The following VPS16 variants were observed in gnomAD, a reference collection of about 807,000 sequenced individuals.
VPS16 encodes the protein vacuolar protein sorting-associated protein 16 homolog.
A neutral mutation model predicts 116.0 loss-of-function variants in VPS16; 82 were observed. That is an observed-to-expected ratio of 0.71 (90% CI 0.59 to 0.85). The LOEUF (loss-of-function observed/expected upper bound fraction) is 0.85, where lower values mean the gene tolerates loss of function less well. Ranked by LOEUF, VPS16 falls within the 40% of genes least tolerant of loss-of-function variation. The pLI is 0.00. For missense variants in VPS16, 928 were observed against 1,090.6 expected (o/e 0.85, Z 2.10); for synonymous variants, 406 against 420.7 (o/e 0.96, Z 0.43).
chr20:2,857,900 AG>A lies in VPS16; in HGVS notation c.54-1816del, dbSNP rs200672828. Among the ~76,000 whole-genome samples, 1,329 of 151,922 alleles carry A rather than the reference AG, an allele frequency of 8.7e-3. 21 individuals carry two copies. Among genetic ancestry groups the A allele is most frequent in the African/African-American group, 0.031 (1,276 of 41,402 alleles). On this transcript the variant is annotated intron_variant, in intron 1 of 23. Transcript: ENST00000380445. ...TAATTTTTGTATTTTTAGTAGAGAC[AG>A]GGTTTCACCGTGTTGGCTAGACTGG...
Position 2,842,741 on chromosome 20 carries a change from T to TACATATGGATGTATCTATCTATAGATAG in VPS16, c.53+1920_53+1921insGGATGTATCTATCTATAGATAGACATAT, listed in dbSNP as rs2089003468. On this transcript the variant is annotated intron_variant, in intron 1 of 23. Transcript: ENST00000380445. Reference sequence around the variant, plus strand: ...ACATATGGATGTATCTATCTATAGATACATATAGATGTATCTATCTATAGA... The same window carrying TACATATGGATGTATCTATCTATAGATAG: ...ACATATGGATGTATCTATCTATAGATACATATGGATGTATCTATCTATAGATAGACATATAGATGTATCTATCTATAGA... Among the ~76,000 whole-genome samples, 10 of 22,382 alleles carry TACATATGGATGTATCTATCTATAGATAG rather than the reference T, an allele frequency of 4.5e-4. 2 individuals are homozygous for TACATATGGATGTATCTATCTATAGATAG. Among genetic ancestry groups the TACATATGGATGTATCTATCTATAGATAG allele is most frequent in the African/African-American group, 6.3e-4 (2 of 3,194 alleles). 14.7% of individuals were successfully genotyped at this position (22,382 alleles called of 152,430 possible).
At chr20:2,854,143 GCA>G in intron 1 of VPS16, among the ~76,000 whole-genome samples, 1 of 152,010 alleles carries the variant, frequency 6.6e-6, no homozygotes, top group African/African-American at 2.4e-5. Context: ...GCATGGTCGT[GCA>G]CACCTGTAAG....
chr20:2,864,670 G>C lies in VPS16; in HGVS notation c.1926+16G>C. On this transcript the variant is annotated intron_variant, in intron 19 of 23. Transcript: ENST00000380445. The surrounding 1 kb of genome is among the most constrained non-coding windows in gnomAD (Gnocchi z 5.2). ...TGCAGAAGAGGTCTGAGATCCATGG[G>C]GCGTGTGGGGCGTGTGGGGCATGTG... The C allele has an allele frequency of 6.3e-7, 1 of 1,597,622 alleles. No homozygotes were observed. The highest frequency in any genetic ancestry group is 8.6e-7 in the Non-Finnish European group (1 of 1,167,986).
chr20:2,864,717 T>G lies in VPS16; in HGVS notation c.1926+63T>G. On this transcript the variant is annotated intron_variant, in intron 19 of 23. Transcript: ENST00000380445. This position sits in a 1 kb window ranked among gnomAD's most constrained non-coding sequence, Gnocchi z 5.2. ...TGTGGGCTGGGGCTGTTGGTCCGGT[T>G]CCTTCAGGAATCTAGGCCTTCGTGT... 1 of 1,552,986 alleles carries G rather than the reference T, an allele frequency of 6.4e-7. No individual in the cohort carries two copies.
In VPS16 at chr20:2,864,092, G is replaced by T; in HGVS notation, c.1611+9G>T. 1 of 1,613,714 alleles carries T rather than the reference G, an allele frequency of 6.2e-7. No homozygotes were observed. The highest frequency in any genetic ancestry group is 1.1e-5 in the South Asian group (1 of 91,082). On this transcript the variant is annotated intron_variant, in intron 16 of 23. Coordinates refer to ENST00000380445, the MANE Select transcript of VPS16 (RefSeq NM_022575.4). The surrounding 1 kb of genome is among the most constrained non-coding windows in gnomAD (Gnocchi z 5.2). The stretch of plus-strand genomic sequence containing the variant: ...CGGAGCTGGCCATCAAGGTGTGGGT[G>T]CCCAGCCCTCCACAGACACTCTGAT...
chr20:2,857,312 C>T (rs1433130313), intron 1 of VPS16, among the ~76,000 whole-genome samples: 1 of 152,162 alleles, frequency 6.6e-6, no homozygotes, highest in Admixed American at 6.6e-5. Flanking sequence ...TGTGCATTAC[C>T]CTTCCACTGG....
intron 1 of VPS16, among the ~76,000 whole-genome samples, chr20:2,858,163 T>G (rs1027737310): frequency 5.3e-5 from 8 of 151,998 alleles, no homozygotes; most frequent in Non-Finnish European, 8.8e-5. Context: ...GATGCTGTCT[T>G]GGCTCACTGC....
rs372205172 is a variant in VPS16 at position 2,860,638 on chromosome 20, G to T, written c.514+45G>T. On this transcript the variant is annotated intron_variant, in intron 5 of 23. Transcript: ENST00000380445. This position sits in a 1 kb window ranked among gnomAD's most constrained non-coding sequence, Gnocchi z 6.1. ...AGATAGCCAAGCAGTACCCACAGATGTGCCTCTAGCCTGTGAGACCCATAA... is the reference window on the plus strand; with the variant it reads ...AGATAGCCAAGCAGTACCCACAGATTTGCCTCTAGCCTGTGAGACCCATAA... 2 of 1,611,654 alleles carry T rather than the reference G, an allele frequency of 1.2e-6. No individual in the cohort carries two copies. The highest frequency in any genetic ancestry group is 1.7e-6 in the Non-Finnish European group (2 of 1,179,018).
At chr20:2,842,592 G>A (rs1202782538) in intron 1 of VPS16, among the ~76,000 whole-genome samples, 1 of 147,814 alleles carries the variant, frequency 6.8e-6, no homozygotes, top group Non-Finnish European at 1.5e-5. Flanking sequence ...AGGCAACAGA[G>A]TGAGACTCCG....
intron 1 of VPS16, among the ~76,000 whole-genome samples, chr20:2,854,155 G>T (rs2875807): frequency 0.47 from 71,282 of 151,262 alleles, 18,992 homozygotes; most frequent in African/African-American, 0.72. Flanking sequence ...ACACCTGTAA[G>T]ACCAGCACTT....
intron 10 of VPS16, 47 bp downstream of exon 10, chr20:2,861,946 C>T (rs571719696): frequency 3.1e-5 from 50 of 1,606,362 alleles, no homozygotes; most frequent in Non-Finnish European, 3.8e-5. Context: ...GGGGACTCCT[C>T]GGCACCCCAG....
In VPS16 at chr20:2,854,960, AT is replaced by A. The variant is rs547295825; in HGVS notation, c.54-4741del. On this transcript the variant is annotated intron_variant, in intron 1 of 23. Transcript: ENST00000380445. ...CCAGATACGTTGTCAATGAGCAGTAATTTTTTTTTTTTTTTTTTGAGATGGA... is the reference window on the plus strand; with the variant it reads ...CCAGATACGTTGTCAATGAGCAGTAATTTTTTTTTTTTTTTTTGAGATGGA... 2.3e-3 allele frequency among the ~76,000 whole-genome samples: 257 copies of A among 110,114 alleles called. 2 individuals carry two copies. The highest frequency in any genetic ancestry group is 3.3e-3 in the Non-Finnish European group (196 of 59,148). 72.2% of individuals were successfully genotyped at this position (110,114 alleles called of 152,430 possible).
At position 2,862,792 on chromosome 20, in the gene VPS16, T is replaced by G; in HGVS notation, c.1204-15T>G. 1 of 1,613,770 alleles carries G rather than the reference T, an allele frequency of 6.2e-7. No homozygotes were observed. Among genetic ancestry groups the G allele is most frequent in the Non-Finnish European group, 8.5e-7 (1 of 1,179,992 alleles). ...GCAGGGAAGCTCTCTCCTATCGCCC[T>G]CTGGCTCTTCTCAGGCCGCCTCCTT... On this transcript the variant is annotated splice_polypyrimidine_tract_variant and intron_variant, in intron 12 of 23. Transcript: ENST00000380445.
Position 2,861,357 on chromosome 20 carries a change from G to A in VPS16, c.809+77G>A, listed in dbSNP as rs556624265. On this transcript the variant is annotated intron_variant, in intron 8 of 23. Transcript: ENST00000380445. Reference sequence around the variant, plus strand: ...CCTGGGACAATCAGTTCCTTGATTCGTCATGTCTACTGGCCAAGCCTAGTG... The same window carrying A: ...CCTGGGACAATCAGTTCCTTGATTCATCATGTCTACTGGCCAAGCCTAGTG... 4.2e-5 allele frequency: 67 copies of A among 1,601,086 alleles called. No homozygotes were observed. The East Asian group carries it at 6.9e-4, about 17-fold the overall frequency.
In VPS16 at chr20:2,861,672, G is replaced by C. The variant is rs1220916864; in HGVS notation, c.867G>C (p.Leu289=). 1.2e-6 allele frequency: 2 copies of C among 1,613,332 alleles called. No homozygotes were observed. The highest frequency in any genetic ancestry group is 1.7e-6 in the Non-Finnish European group (2 of 1,179,898). ...TGGTGGTGGCCTGGGAAAGGCGGCT[G>C]ATGGTGGTGGGCGATGCACCCGAGA... ...RAVVVAWERR[L]MVVGDAPESI... Residue 289 remains leucine (L), a synonymous_variant, in exon 9 of 24, where the codon CTG becomes CTC. Transcript: ENST00000380445.
rs11696445 is a variant in VPS16, at chr20:2,865,606, C to T, written c.2271+111C>T. ...CCGTTCATGCTCCTGTTCAGCTGCCCGCATAGTTAGCGAGTGCTTCCTGTA... is the reference window on the plus strand; with the variant it reads ...CCGTTCATGCTCCTGTTCAGCTGCCTGCATAGTTAGCGAGTGCTTCCTGTA... On this transcript the variant is annotated intron_variant, in intron 22 of 23. Transcript: ENST00000380445. The surrounding 1 kb of genome is among the most constrained non-coding windows in gnomAD (Gnocchi z 5.2). 11,077 of 1,000,644 alleles carry T rather than the reference C, an allele frequency of 0.011. 122 individuals carry two copies. Among genetic ancestry groups the T allele is most frequent in the South Asian group, 0.019 (1,147 of 61,428 alleles). The allele number at this position is 1,000,644 out of a possible 1,614,324, so 62.0% of individuals were successfully genotyped here. A position where few individuals can be genotyped will look rare whatever the true frequency, so the allele number is the denominator to read the frequency against.
At position 2,863,106 on chromosome 20, in the gene VPS16, G is replaced by A. The variant is rs531624885; in HGVS notation, c.1367+6G>A. 6.2e-7 allele frequency: 1 copy of A among 1,613,952 alleles called. No individual in the cohort carries two copies. Among genetic ancestry groups the A allele is most frequent in the East Asian group, 2.2e-5 (1 of 44,880 alleles). ...ATCCAGGTGCTGCTGGACAGGTAGGGTAAGCCCAAGGGTGCAGTGAGCGGG... is the reference window on the plus strand; with the variant it reads ...ATCCAGGTGCTGCTGGACAGGTAGGATAAGCCCAAGGGTGCAGTGAGCGGG... On this transcript the variant is annotated splice_donor_region_variant and intron_variant, in intron 14 of 23. Coordinates refer to ENST00000380445, the MANE Select transcript of VPS16 (RefSeq NM_022575.4). This position sits in a 1 kb window ranked among gnomAD's most constrained non-coding sequence, Gnocchi z 4.4.
At position 2,865,236 on chromosome 20, in the gene VPS16, A is replaced by T; in HGVS notation, c.2093A>T (p.Asp698Val). The stretch of plus-strand genomic sequence containing the variant: ...CAGTTCCTAGACCTGTCTCTACATG[A>T]CACAGTTACCACCCTCATTCTTGGC... Reference protein sequence around the residue: ...GGQFLDLSLHDTVTTLILGGH... With the variant: ...GGQFLDLSLHVTVTTLILGGH... The change falls in exon 21 of 24, where the codon GAC (aspartate) becomes GTC (valine). Residue 698 changes from aspartate (D) to valine (V), a missense_variant. By Grantham distance (152) the Asp-to-Val change is radical (BLOSUM62 -3). Coordinates refer to ENST00000380445, the MANE Select transcript of VPS16 (RefSeq NM_022575.4). The surrounding 1 kb of genome is among the most constrained non-coding windows in gnomAD (Gnocchi z 5.2). The T allele has an allele frequency of 6.2e-7, 1 of 1,614,154 alleles. No individual in the cohort carries two copies. Among genetic ancestry groups the T allele is most frequent in the Non-Finnish European group, 8.5e-7 (1 of 1,180,032 alleles).
chr20:2,862,759 G>GGGGGGGGGGGGGGGGGGGGT, intron 12 of VPS16, 48 bp from the exon 13 acceptor site: 1 of 777,206 alleles, frequency 1.3e-6, no homozygotes. Context: ...GAGGGGGTGG[G>GGGGGGGGGGGGGGGGGGGGT]ATGGGCAGCA....
Sources: allele counts gnomAD v4.1 joint callset (sites outside exome capture counted in the v4.1 genomes callset), GRCh38; gene constraint gnomAD v4.1.1; non-coding constraint Gnocchi (gnomAD v3.1); transcripts MANE v1.5; gene names NCBI Gene and HGNC (gene_info 2026-07-23, HGNC 2026-07-21).